The following HS2ST1 variants were observed in gnomAD, a reference collection of about 807,000 sequenced individuals.
HS2ST1 encodes 2-O-sulfotransferase.
A neutral mutation model predicts 42.9 loss-of-function variants in HS2ST1; 18 were observed. That is an observed-to-expected ratio of 0.42 (90% CI 0.29 to 0.62). HS2ST1 has a LOEUF of 0.62. Ranked by LOEUF, HS2ST1 falls within the 20% of genes least tolerant of loss-of-function variation. The pLI is 0.21. For synonymous variants in HS2ST1, 146 were observed against 152.9 expected (o/e 0.95, Z 0.33); for missense variants, 334 against 433.8 (o/e 0.77, Z 2.04).
intron 1 of HS2ST1, chr1:87,045,064 A>G: frequency 9.0e-7 from 1 of 1,116,512 alleles, no homozygotes; most frequent in Non-Finnish European, 1.4e-6. Context: ...TTCTTTGAAG[A>G]ATCTTCTTCA....
At chr1:87,084,104 G>A (rs922428447) in intron 2 of HS2ST1, 90 bp from the exon 3 acceptor site, 1 of 813,162 alleles carries the variant, frequency 1.2e-6, no homozygotes, top group Admixed American at 2.7e-5. Flanking sequence ...GTGGTTTTAG[G>A]TTTTTAAATT....
intron 4 of HS2ST1, among the ~76,000 whole-genome samples, chr1:87,095,279 T>C (rs1193802053): frequency 6.6e-6 from 1 of 152,174 alleles, no homozygotes; most frequent in Non-Finnish European, 1.5e-5. Flanking sequence ...ATGGCGCTTA[T>C]TCTCAAAAAT....
chr1:86,916,809 G>A (rs939789898), intron 1 of HS2ST1, among the ~76,000 whole-genome samples: 5 of 152,160 alleles, frequency 3.3e-5, no homozygotes, highest in African/African-American at 7.2e-5. Flanking sequence ...ATTAAAATTT[G>A]TACTTATTTT....
At chr1:87,003,808 T>TCA (rs751656279) in intron 1 of HS2ST1, among the ~76,000 whole-genome samples, 3 of 152,160 alleles carry the variant, frequency 2.0e-5, no homozygotes, top group Non-Finnish European at 4.4e-5. Flanking sequence ...CTAGAGATGA[T>TCA]ATAAGTATAC....
rs1254759433 is a variant in HS2ST1 at position 87,109,584 on chromosome 1, A to G, written c.*4888A>G. ...TGATTTTTTTTTTCCCCCTTAAAGA[A>G]GAAAGTCTCAATTCCATTGATTTTC... On this transcript the variant is annotated 3_prime_UTR_variant, in exon 7 of 7. Transcript: ENST00000370550. The G allele has an allele frequency of 6.6e-6, 1 of 152,126 alleles. No individual in the cohort carries two copies. The highest frequency in any genetic ancestry group is 1.5e-5 in the Non-Finnish European group (1 of 67,984). 9.4% of individuals were successfully genotyped at this position (152,126 alleles called of 1,614,324 possible).
At chr1:87,002,687 C>A (rs1570476400) in intron 1 of HS2ST1, among the ~76,000 whole-genome samples, 1 of 151,384 alleles carries the variant, frequency 6.6e-6, no homozygotes, top group African/African-American at 2.4e-5. Context: ...TTTTTTTACA[C>A]AAAAGTCTAT....
chr1:87,050,076 T>C (rs1308215295), intron 1 of HS2ST1, among the ~76,000 whole-genome samples: 1 of 152,034 alleles, frequency 6.6e-6, no homozygotes, highest in Non-Finnish European at 1.5e-5. Flanking sequence ...TTTTTTGATT[T>C]GTGATAATGT....
intron 5 of HS2ST1, 177 bp downstream of exon 5, chr1:87,098,112 A>G: frequency 7.4e-7 from 1 of 1,355,740 alleles, no homozygotes; most frequent in Non-Finnish European, 9.5e-7. Flanking sequence ...AAGATTCCTC[A>G]TGTAGAGTGA....
chr1:86,925,997 A>G (rs181023274), intron 1 of HS2ST1, among the ~76,000 whole-genome samples: 22 of 152,222 alleles, frequency 1.4e-4, no homozygotes, highest in Admixed American at 1.2e-3. Context: ...AATACTTTCA[A>G]ACTTTGTTTT....
chr1:86,985,098 G>T (rs920330217), intron 1 of HS2ST1, among the ~76,000 whole-genome samples: 1 of 151,558 alleles, frequency 6.6e-6, no homozygotes, highest in East Asian at 2.0e-4. Flanking sequence ...GCTCATGCCT[G>T]TAATCCCAAC....
intron 1 of HS2ST1, among the ~76,000 whole-genome samples, chr1:87,007,032 G>T (rs1161208228): frequency 6.6e-6 from 1 of 152,052 alleles, no homozygotes; most frequent in East Asian, 1.9e-4. Context: ...GCAGTAGGAA[G>T]AAGGGTCAAT....
chr1:86,951,717 G>A lies in HS2ST1; in HGVS notation c.124+36557G>A, dbSNP rs528064679. On this transcript the variant is annotated intron_variant, in intron 1 of 6. Coordinates refer to ENST00000370550, the MANE Select transcript of HS2ST1 (RefSeq NM_012262.4). ...TGAGGTTTAGATTTCTCTGTAGCAC[G>A]GAGTGCTGTTTGATAGCATTTTACC... is the stretch of plus-strand genomic sequence containing the variant. Among the ~76,000 whole-genome samples, 6 of 152,286 alleles carry A rather than the reference G, an allele frequency of 3.9e-5. No homozygotes were observed. In the East Asian group the frequency reaches 5.8e-4, roughly 15 times the overall value.
chr1:86,974,457 A>G (rs753588608), intron 1 of HS2ST1, among the ~76,000 whole-genome samples: 1 of 152,168 alleles, frequency 6.6e-6, no homozygotes, highest in Non-Finnish European at 1.5e-5. Flanking sequence ...ATAAACTGGT[A>G]AATGTAACTA....
chr1:86,973,222 CT>C (rs542967795), intron 1 of HS2ST1, among the ~76,000 whole-genome samples: 7,703 of 141,232 alleles, frequency 0.055, 612 homozygotes, highest in African/African-American at 0.18. Flanking sequence ...AATTTATGGT[CT>C]TTTTTTTTTT....
In HS2ST1 at chr1:86,914,893, G is replaced by A. The variant is rs555607115; in HGVS notation, c.-144G>A. ...GGGAGGGGGACTGGAGAGGCGAGAAGGGGGGTCGCTGCGGTGGTTCTCTCG... is the reference window on the plus strand; with the variant it reads ...GGGAGGGGGACTGGAGAGGCGAGAAAGGGGGTCGCTGCGGTGGTTCTCTCG... On this transcript the variant is annotated 5_prime_UTR_variant, in exon 1 of 7. Coordinates refer to ENST00000370550, the MANE Select transcript of HS2ST1 (RefSeq NM_012262.4). The A allele has an allele frequency of 3.2e-6, 3 of 945,248 alleles. No homozygotes were observed. The highest frequency in any genetic ancestry group is 2.5e-5 in the East Asian group (1 of 39,900). 58.6% of individuals were successfully genotyped at this position (945,248 alleles called of 1,614,324 possible).
chr1:86,990,424 G>A (rs1467972845), intron 1 of HS2ST1, among the ~76,000 whole-genome samples: 1 of 152,140 alleles, frequency 6.6e-6, no homozygotes, highest in East Asian at 1.9e-4. Flanking sequence ...TCTTGGTTTT[G>A]CCTCTCAGAT....
chr1:87,075,614 GAT>G (rs944897841), intron 2 of HS2ST1, among the ~76,000 whole-genome samples: 28 of 152,194 alleles, frequency 1.8e-4, no homozygotes, highest in African/African-American at 6.5e-4. Context: ...AATATTTTGA[GAT>G]ATGTTACCTG....
chr1:86,964,422 G>A (rs949118960), intron 1 of HS2ST1, among the ~76,000 whole-genome samples: 6 of 152,248 alleles, frequency 3.9e-5, no homozygotes, highest in African/African-American at 7.2e-5. Flanking sequence ...GATCACTCAC[G>A]GTTAGGAGCT....
At chr1:86,963,761 C>T (rs1347212784) in intron 1 of HS2ST1, among the ~76,000 whole-genome samples, 2 of 147,668 alleles carry the variant, frequency 1.4e-5, no homozygotes, top group African/African-American at 5.1e-5. Flanking sequence ...CCCCCACCTC[C>T]CGGACGGGGC....
Sources: gnomAD v4.1 joint callset for allele counts (sites outside exome capture counted in the v4.1 genomes callset) on GRCh38, gnomAD v4.1.1 for gene constraint, MANE v1.5 for transcripts, NCBI Gene and HGNC (gene_info 2026-07-23, HGNC 2026-07-21) for gene names.